Variants in SLC25A32 observed in about 807,000 individuals in gnomAD.
The protein encoded by SLC25A32 is solute carrier family 25 member 32.
In SLC25A32, 32 loss-of-function variants were observed where a neutral mutation model predicts 39.0. The ratio of observed to expected loss-of-function variants is 0.82; its 90% CI spans 0.62 to 1.10. The LOEUF is 1.10. Ranked by LOEUF, SLC25A32 falls within the 50% of genes least tolerant of loss-of-function variation. The probability of loss-of-function intolerance (pLI) is 0.00; values close to 1 mark genes in which losing one functional copy is unlikely to be tolerated. For synonymous variants in SLC25A32, 166 were observed against 152.4 expected (o/e 1.09, Z -0.66); for missense variants, 367 against 395.3 (o/e 0.93, Z 0.61).
At position 103,403,120 on chromosome 8, in the gene SLC25A32, A is replaced by G. The variant is rs750474728; in HGVS notation, c.552+44T>C. 13 of 1,421,938 alleles carry G rather than the reference A, an allele frequency of 9.1e-6. No homozygotes were observed. The South Asian group carries it at 1.4e-4, about 15-fold the overall frequency. The allele number at this position is 1,421,938 out of a possible 1,614,324, so 88.1% of individuals were successfully genotyped here. On this transcript the variant is annotated intron_variant, in intron 4 of 6. Transcript: ENST00000297578. ...AACTAAGACAACAGAGCCAACGGAA[A>G]TTCAAATTTTTCAGTTATTTAAAAT... is the stretch of plus-strand genomic sequence containing the variant.
chr8:103,406,238 G>C (rs1049698669), intron 2 of SLC25A32, among the ~76,000 whole-genome samples: 1 of 151,972 alleles, frequency 6.6e-6, no homozygotes, highest in Non-Finnish European at 1.5e-5. Context: ...TTTTAAGGCT[G>C]AATTTTATTT....
chr8:103,410,088 C>T (rs950440817), intron 1 of SLC25A32, among the ~76,000 whole-genome samples: 4 of 152,274 alleles, frequency 2.6e-5, no homozygotes, highest in South Asian at 4.1e-4. Flanking sequence ...CCATTTTCCT[C>T]TCAATAATAA....
intron 6 of SLC25A32, 73 bp downstream of exon 6, chr8:103,401,443 A>G: frequency 7.2e-7 from 1 of 1,393,522 alleles, no homozygotes. Flanking sequence ...CTATAAAACT[A>G]GTATCAACAG....
At position 103,404,921 on chromosome 8, in the gene SLC25A32, G is replaced by A; in HGVS notation, c.306-60C>T. 5 of 1,191,314 alleles carry A rather than the reference G, an allele frequency of 4.2e-6. No individual in the cohort carries two copies. The South Asian group carries it at 6.4e-5, about 15-fold the overall frequency. 73.8% of individuals were successfully genotyped at this position (1,191,314 alleles called of 1,614,324 possible). ...TAGGTGTCATTAAGTCTGTTTTAAA[G>A]TGTATGTAAGTCAACAGCAGTACCC... On this transcript the variant is annotated intron_variant, in intron 2 of 6. Transcript: ENST00000297578.
At chr8:103,411,747 G>A (rs980547097) in intron 1 of SLC25A32, among the ~76,000 whole-genome samples, 3 of 152,186 alleles carry the variant, frequency 2.0e-5, no homozygotes, top group African/African-American at 4.8e-5. Flanking sequence ...TGCCATCCCT[G>A]TGCTTCTAGT....
chr8:103,414,758 A>G, intron 1 of SLC25A32, 26 bp downstream of exon 1: 1 of 1,613,164 alleles, frequency 6.2e-7, no homozygotes, highest in African/African-American at 1.3e-5. Flanking sequence ...GAGAGGATGC[A>G]GCCCGGTGTC....
At chr8:103,407,078 C>T (rs1386064426) in intron 2 of SLC25A32, among the ~76,000 whole-genome samples, 2 of 152,122 alleles carry the variant, frequency 1.3e-5, no homozygotes, top group Admixed American at 6.6e-5. Context: ...CCGACTGATT[C>T]AACTTTTTCT....
At chr8:103,401,207 C>T (rs993389635) in intron 6 of SLC25A32, among the ~76,000 whole-genome samples, 1 of 152,184 alleles carries the variant, frequency 6.6e-6, no homozygotes, top group African/African-American at 2.4e-5. Context: ...AGTCTTATGA[C>T]TTCTTATATT....
chr8:103,414,741 T>C, intron 1 of SLC25A32, 43 bp downstream of exon 1: 1 of 1,611,338 alleles, frequency 6.2e-7, no homozygotes, highest in Middle Eastern at 1.7e-4. Context: ...CAGTTCGGGC[T>C]GACAGTGAGA....
intron 1 of SLC25A32, among the ~76,000 whole-genome samples, chr8:103,409,729 G>A (rs1816420126): frequency 6.6e-6 from 1 of 152,146 alleles, no homozygotes; most frequent in African/African-American, 2.4e-5. Context: ...GCCAGGAAAA[G>A]GGGGAAAAGT....
intron 1 of SLC25A32, among the ~76,000 whole-genome samples, chr8:103,413,541 G>A (rs1300054462): frequency 6.6e-6 from 1 of 152,136 alleles, no homozygotes; most frequent in East Asian, 1.9e-4. Context: ...CCTGTGAATA[G>A]ATTTACAGGA....
Position 103,412,435 on chromosome 8 carries a change from G to A in SLC25A32, c.154+2349C>T, listed in dbSNP as rs149257504. Among the ~76,000 whole-genome samples, 144 of 152,236 alleles carry A rather than the reference G, an allele frequency of 9.5e-4. 1 individual carries two copies. The highest frequency in any genetic ancestry group is 3.2e-3 in the African/African-American group (134 of 41,530). On this transcript the variant is annotated intron_variant, in intron 1 of 6. Coordinates refer to ENST00000297578, the MANE Select transcript of SLC25A32 (RefSeq NM_030780.5). ...TTAAAATTACAGAGTAAAGTTAGAAGGGGCCTGAATAATCATCCAATCCAA... is the reference window on the plus strand; with the variant it reads ...TTAAAATTACAGAGTAAAGTTAGAAAGGGCCTGAATAATCATCCAATCCAA...
intron 2 of SLC25A32, among the ~76,000 whole-genome samples, chr8:103,407,072 C>G (rs1816349408): frequency 6.6e-6 from 1 of 152,156 alleles, no homozygotes; most frequent in African/African-American, 2.4e-5. Context: ...AACAAACCGA[C>G]TGATTCAACT....
chr8:103,408,612 A>G (rs1030172586), intron 1 of SLC25A32, among the ~76,000 whole-genome samples: 1 of 152,212 alleles, frequency 6.6e-6, no homozygotes, highest in African/African-American at 2.4e-5. Context: ...CTCCCCACCA[A>G]CATATGTCAA....
chr8:103,412,058 A>G (rs574739619), intron 1 of SLC25A32, among the ~76,000 whole-genome samples: 6 of 152,316 alleles, frequency 3.9e-5, no homozygotes, highest in African/African-American at 1.4e-4. Context: ...TTTTTCTGTA[A>G]GATAGGAAAA....
intron 5 of SLC25A32, 48 bp downstream of exon 5, chr8:103,401,892 TA>T: frequency 6.7e-7 from 1 of 1,486,452 alleles, no homozygotes; most frequent in Non-Finnish European, 9.3e-7. Flanking sequence ...TTCTACCTAT[TA>T]AATACCCATA....
chr8:103,414,908 C>A lies in SLC25A32; in HGVS notation c.30G>T (p.Gly10=), dbSNP rs1816562807. The part of the protein sequence containing the change: MTGQGQSAS[G]SSAWSTVFRH... ...GGAATACCGTGCTCCACGCCGACGA[C>A]CCGGACGCCGACTGGCCCTGGCCCG... Residue 10 remains glycine (G), a synonymous_variant, in exon 1 of 7, where the codon GGG becomes GGT. Coordinates refer to ENST00000297578, the MANE Select transcript of SLC25A32 (RefSeq NM_030780.5). 6.2e-7 allele frequency: 1 copy of A among 1,610,558 alleles called. No individual in the cohort carries two copies. Among genetic ancestry groups the A allele is most frequent in the Non-Finnish European group, 8.5e-7 (1 of 1,178,836 alleles).
chr8:103,407,974 A>G (rs1002733936), intron 1 of SLC25A32, among the ~76,000 whole-genome samples, 190 bp from the exon 2 acceptor site: 2 of 145,796 alleles, frequency 1.4e-5, no homozygotes, highest in African/African-American at 5.0e-5. Context: ...TATATATATA[A>G]ATATGTAAAA....
At position 103,415,070 on chromosome 8, in the gene SLC25A32, G is replaced by GC; in HGVS notation, c.-134dup. ...CCGGGACCAACGAGAGGACTCTTATGCCCAAGGCGCGTGAGCGAAGCCGGA... is the reference window on the plus strand; with the variant it reads ...CCGGGACCAACGAGAGGACTCTTATGCCCCAAGGCGCGTGAGCGAAGCCGGA... On this transcript the variant is annotated 5_prime_UTR_variant, in exon 1 of 7. Transcript: ENST00000297578. 6.2e-7 allele frequency: 1 copy of GC among 1,608,222 alleles called. No homozygotes were observed. The highest frequency in any genetic ancestry group is 1.1e-5 in the South Asian group (1 of 90,694).
Sources: gnomAD v4.1 joint callset for allele counts (sites outside exome capture counted in the v4.1 genomes callset) on GRCh38, gnomAD v4.1.1 for gene constraint, MANE v1.5 for transcripts, NCBI Gene and HGNC (gene_info 2026-07-23, HGNC 2026-07-21) for gene names.